SOX6: variants seen among roughly 807,000 people sequenced by gnomAD.
The protein encoded by SOX6 is SRY-box transcription factor 6, also known as transcription factor SOX-6.
In SOX6, 11 loss-of-function variants were observed where a neutral mutation model predicts 97.8. The ratio of observed to expected loss-of-function variants is 0.11; its 90% confidence interval spans 0.07 to 0.19. SOX6 has a LOEUF of 0.19. Ranked by LOEUF, SOX6 falls within the 10% of genes least tolerant of loss-of-function variation. The pLI, the probability that SOX6 is intolerant of heterozygous loss-of-function variation, is 1.00. For missense variants in SOX6, 810 were observed against 1,039.5 expected (o/e 0.78, Z 3.04); for synonymous variants, 360 against 371.4 (o/e 0.97, Z 0.35).
At chr11:16,511,794 A>C (rs1860882962) in intron 4 of SOX6, among the ~76,000 whole-genome samples, 1 of 152,212 alleles carries the variant, frequency 6.6e-6, no homozygotes, top group South Asian at 2.1e-4. Context: ...AATAACATGC[A>C]GGATGAGACC....
intron 1 of SOX6, among the ~76,000 whole-genome samples, chr11:16,384,338 T>G (rs187772059): frequency 3.7e-4 from 57 of 152,022 alleles, no homozygotes; most frequent in Admixed American, 3.7e-3. Context: ...CATTCTATAC[T>G]GAGTTCCCTG....
chr11:16,298,618 T>C (rs1194984199), intron 3 of SOX6, among the ~76,000 whole-genome samples: 1 of 152,142 alleles, frequency 6.6e-6, no homozygotes, highest in Non-Finnish European at 1.5e-5. Context: ...AAAGATATAA[T>C]TGAATAAATG....
upstream of SOX6, among the ~76,000 whole-genome samples, chr11:16,481,088 AT>A (rs1860337319): frequency 6.6e-6 from 1 of 152,076 alleles, no homozygotes; most frequent in Admixed American, 6.6e-5. Context: ...AACTATTGCT[AT>A]TTCCTCCAAA....
chr11:16,128,667 A>G (rs959871128), intron 6 of SOX6, among the ~76,000 whole-genome samples: 1 of 152,094 alleles, frequency 6.6e-6, no homozygotes, highest in Non-Finnish European at 1.5e-5. Context: ...GCTTTTTCTG[A>G]AATATATATA....
At chr11:15,976,058 G>A (rs1853473991) in intron 15 of SOX6, among the ~76,000 whole-genome samples, 1 of 152,162 alleles carries the variant, frequency 6.6e-6, no homozygotes, top group South Asian at 2.1e-4. Flanking sequence ...CCCAGACAGT[G>A]CTAAAAGCCA....
At chr11:16,256,897 C>A (rs1853709531) in intron 3 of SOX6, among the ~76,000 whole-genome samples, 1 of 151,656 alleles carries the variant, frequency 6.6e-6, no homozygotes, top group African/African-American at 2.4e-5. Context: ...AAAAGTCAAC[C>A]ACTTTCCTAT....
intron 1 of SOX6, among the ~76,000 whole-genome samples, chr11:16,414,254 C>T (rs1356360511): frequency 6.6e-6 from 1 of 152,066 alleles, no homozygotes; most frequent in Non-Finnish European, 1.5e-5. Context: ...TTGTTCAGGT[C>T]GCAGGATAAA....
intron 4 of SOX6, among the ~76,000 whole-genome samples, chr11:16,564,963 CG>C (rs1374803396): frequency 4.0e-5 from 6 of 151,498 alleles, no homozygotes; most frequent in African/African-American, 1.5e-4. Context: ...TGATAAAGAG[CG>C]GAAACCAATA....
chr11:16,625,532 G>A (rs1239604024), intron 3 of SOX6, among the ~76,000 whole-genome samples: 1 of 152,136 alleles, frequency 6.6e-6, no homozygotes, highest in Non-Finnish European at 1.5e-5. Context: ...TGTGTGAGAG[G>A]AGCATCTTTT....
chr11:16,144,769 C>G (rs567067905), intron 6 of SOX6, among the ~76,000 whole-genome samples: 7 of 152,068 alleles, frequency 4.6e-5, no homozygotes, highest in Non-Finnish European at 7.4e-5. Context: ...ATAAATTCCT[C>G]GACACATACA....
intron 4 of SOX6, among the ~76,000 whole-genome samples, chr11:16,514,587 G>T (rs1303850325): frequency 6.6e-6 from 1 of 150,804 alleles, no homozygotes; most frequent in Non-Finnish European, 1.5e-5. Context: ...GGGTACATGT[G>T]CACATTGTGC....
intron 1 of SOX6, among the ~76,000 whole-genome samples, chr11:16,365,343 TG>T (rs34738799): frequency 0.3 from 44,993 of 151,334 alleles, 6,854 homozygotes; most frequent in East Asian, 0.51. Flanking sequence ...GTATGTATCT[TG>T]TATGGTATAA....
intron 3 of SOX6, among the ~76,000 whole-genome samples, chr11:16,251,873 GT>G (rs1176775273): frequency 6.6e-6 from 1 of 152,060 alleles, no homozygotes; most frequent in African/African-American, 2.4e-5. Flanking sequence ...GGAATGCGAA[GT>G]TGCTTGAAGA....
At chr11:16,233,336 T>A (rs533415983) in intron 4 of SOX6, among the ~76,000 whole-genome samples, 23 of 152,216 alleles carry the variant, frequency 1.5e-4, no homozygotes, top group African/African-American at 4.1e-4. Context: ...CAGCACTTCT[T>A]CTCCATAAAT....
chr11:16,503,706 T>C (rs1860742276), intron 4 of SOX6, among the ~76,000 whole-genome samples: 1 of 152,126 alleles, frequency 6.6e-6, no homozygotes, highest in Non-Finnish European at 1.5e-5. Context: ...GAAAATGTCA[T>C]TATATAATGA....
chr11:16,698,519 T>C (rs1255967628), intron 3 of SOX6, among the ~76,000 whole-genome samples: 7 of 152,232 alleles, frequency 4.6e-5, no homozygotes, highest in Admixed American at 2.6e-4. Context: ...TGTGTTCACA[T>C]TGGCATAGCA....
intron 9 of SOX6, among the ~76,000 whole-genome samples, chr11:16,056,449 A>G (rs1847817594): frequency 6.6e-6 from 1 of 152,126 alleles, no homozygotes; most frequent in Non-Finnish European, 1.5e-5. Context: ...TTGTTTACCC[A>G]GGGTCTTATT....
intron 9 of SOX6, among the ~76,000 whole-genome samples, chr11:16,085,335 T>C (rs1380148988): frequency 6.6e-6 from 1 of 152,136 alleles, no homozygotes; most frequent in East Asian, 1.9e-4. Flanking sequence ...AAAAAATTGC[T>C]TTTTTTAAAG....
intron 12 of SOX6, among the ~76,000 whole-genome samples, chr11:16,037,513 G>A (rs1019084367): frequency 2.6e-5 from 4 of 152,176 alleles, no homozygotes; most frequent in African/African-American, 4.8e-5. Context: ...TGGGAATGCT[G>A]CAAGAGAAGA....
Sources: allele counts gnomAD v4.1 joint callset (sites outside exome capture counted in the v4.1 genomes callset), GRCh38; gene constraint gnomAD v4.1.1; transcripts MANE v1.5; gene names NCBI Gene and HGNC (gene_info 2026-07-23, HGNC 2026-07-21).